The following HS6ST3 variants were observed in gnomAD, a reference collection of about 807,000 sequenced individuals.
HS6ST3 encodes the protein heparan sulfate 6-O-sulfotransferase 3.
HS6ST3 carries 12 observed loss-of-function variants against 36.7 expected under a neutral mutation model. The ratio of observed to expected loss-of-function variants is 0.33; its 90% CI spans 0.21 to 0.53. The LOEUF (loss-of-function observed/expected upper bound fraction) is 0.53. Ranked by LOEUF, HS6ST3 falls within the 20% of genes least tolerant of loss-of-function variation. The probability of loss-of-function intolerance (pLI) is 0.95; values close to 1 mark genes in which losing one functional copy is unlikely to be tolerated. For missense variants in HS6ST3, 584 were observed against 640.9 expected (o/e 0.91, Z 0.96); for synonymous variants, 240 against 257.5 (o/e 0.93, Z 0.65).
intron 1 of HS6ST3, among the ~76,000 whole-genome samples, chr13:96,412,848 T>C (rs1033733780): frequency 6.7e-6 from 1 of 149,764 alleles, no homozygotes; most frequent in South Asian, 2.1e-4. Flanking sequence ...ATATTATATA[T>C]ATATATTTAT....
At position 96,446,205 on chromosome 13, in the gene HS6ST3, A is replaced by T. The variant is rs76107226; in HGVS notation, c.707+354636A>T. Among the ~76,000 whole-genome samples, 44 of 152,264 alleles carry T rather than the reference A, an allele frequency of 2.9e-4. No homozygotes were observed. In the East Asian group the frequency reaches 8.1e-3, roughly 28 times the overall value. ...AAAAAAAAGTTTTTTTAAGTAAAAA[A>T]TATTTCGTTTATGGAATTTATGTTA... On this transcript the variant is annotated intron_variant, in intron 1 of 1. Coordinates refer to ENST00000376705, the MANE Select transcript of HS6ST3 (RefSeq NM_153456.4).
chr13:96,721,481 C>G (rs553202556), intron 1 of HS6ST3, among the ~76,000 whole-genome samples: 1 of 152,194 alleles, frequency 6.6e-6, no homozygotes, highest in East Asian at 1.9e-4. Flanking sequence ...ACATCATTTT[C>G]ATGGAAGAAA....
At chr13:96,596,247 TC>T (rs1421699011) in intron 1 of HS6ST3, among the ~76,000 whole-genome samples, 1 of 152,156 alleles carries the variant, frequency 6.6e-6, no homozygotes, top group African/African-American at 2.4e-5. Flanking sequence ...GGCCTCCAGC[TC>T]CATCCAAGTT....
intron 1 of HS6ST3, among the ~76,000 whole-genome samples, chr13:96,473,733 C>T (rs901081456): frequency 6.6e-6 from 1 of 152,042 alleles, no homozygotes; most frequent in Non-Finnish European, 1.5e-5. Flanking sequence ...AAGGTCGAGT[C>T]GGGAAAAGGG....
At chr13:96,470,558 A>C (rs1357938578) in intron 1 of HS6ST3, among the ~76,000 whole-genome samples, 1 of 151,586 alleles carries the variant, frequency 6.6e-6, no homozygotes, top group Non-Finnish European at 1.5e-5. Context: ...AAACAAAAAA[A>C]CTCCCCATTG....
chr13:96,334,451 C>T (rs562700685), intron 1 of HS6ST3, among the ~76,000 whole-genome samples: 2 of 152,208 alleles, frequency 1.3e-5, no homozygotes, highest in Non-Finnish European at 2.9e-5. Flanking sequence ...GCCAATTAAA[C>T]CTCTTTTCTT....
In HS6ST3 at chr13:96,771,818, G is replaced by A. The variant is rs528075788; in HGVS notation, c.708-60672G>A. On this transcript the variant is annotated intron_variant, in intron 1 of 1. Coordinates refer to ENST00000376705, the MANE Select transcript of HS6ST3 (RefSeq NM_153456.4). The stretch of plus-strand genomic sequence containing the variant: ...CATCAACCTGAAGACAGACTTCTAG[G>A]AGGTACAAAAAAAAGATAAAAGATG... Among the ~76,000 whole-genome samples, 45 of 152,118 alleles carry A rather than the reference G, an allele frequency of 3.0e-4. 2 individuals are homozygous for A. The South Asian group carries it at 8.1e-3, about 27-fold the overall frequency.
chr13:96,651,749 G>C, intron 1 of HS6ST3, among the ~76,000 whole-genome samples: 1 of 151,888 alleles, frequency 6.6e-6, no homozygotes, highest in Non-Finnish European at 1.5e-5. Context: ...ATATTACTTC[G>C]TTTATTATTT....
chr13:96,103,891 G>C (rs526702), intron 1 of HS6ST3, among the ~76,000 whole-genome samples: 126,577 of 151,486 alleles, frequency 0.84, 53,095 homozygotes, highest in East Asian at 0.92. Flanking sequence ...TAAGTCTTTC[G>C]CTTAGACCAT....
At chr13:96,384,377 A>G (rs1172308605) in intron 1 of HS6ST3, among the ~76,000 whole-genome samples, 2 of 152,082 alleles carry the variant, frequency 1.3e-5, no homozygotes, top group Non-Finnish European at 2.9e-5. Flanking sequence ...TCCTTCTGTT[A>G]TATCCAAGAA....
intron 1 of HS6ST3, among the ~76,000 whole-genome samples, chr13:96,702,421 G>A (rs1875313832): frequency 6.6e-6 from 1 of 152,110 alleles, no homozygotes; most frequent in African/African-American, 2.4e-5. Flanking sequence ...TAGTACAGTT[G>A]GCATTTTTTA....
At chr13:96,283,497 T>G (rs896534569) in intron 1 of HS6ST3, among the ~76,000 whole-genome samples, 1 of 152,168 alleles carries the variant, frequency 6.6e-6, no homozygotes, top group African/African-American at 2.4e-5. Flanking sequence ...ACTGGAACAA[T>G]TCTGTTGCAT....
chr13:96,372,197 T>C (rs893295894), intron 1 of HS6ST3, among the ~76,000 whole-genome samples: 5 of 152,244 alleles, frequency 3.3e-5, no homozygotes, highest in African/African-American at 1.2e-4. Context: ...TGAAGTGATA[T>C]CCCATTATGA....
intron 1 of HS6ST3, among the ~76,000 whole-genome samples, chr13:96,343,524 T>C (rs186636623): frequency 6.6e-5 from 10 of 152,282 alleles, no homozygotes; most frequent in Admixed American, 4.6e-4. Context: ...CTGATCTCCC[T>C]ATCCTGAGGT....
chr13:96,449,642 T>A (rs384431), intron 1 of HS6ST3, among the ~76,000 whole-genome samples: 104,040 of 152,082 alleles, frequency 0.68, 37,384 homozygotes, highest in African/African-American at 0.91. Flanking sequence ...TGTATATACG[T>A]GCATATGTAA....
chr13:96,108,175 A>AT, intron 1 of HS6ST3, among the ~76,000 whole-genome samples: 1 of 152,324 alleles, frequency 6.6e-6, no homozygotes. Context: ...AAAAGAATGC[A>AT]TTCCCAGGGG....
At chr13:96,535,365 G>A (rs1422571919) in intron 1 of HS6ST3, among the ~76,000 whole-genome samples, 3 of 151,860 alleles carry the variant, frequency 2.0e-5, no homozygotes, top group Non-Finnish European at 4.4e-5. Flanking sequence ...GACCATCCTG[G>A]CTAACACAGT....
At chr13:96,809,649 C>T (rs1878272389) in intron 1 of HS6ST3, among the ~76,000 whole-genome samples, 1 of 152,198 alleles carries the variant, frequency 6.6e-6, no homozygotes, top group African/African-American at 2.4e-5. Context: ...AGCTCCCAGA[C>T]TCGGCCATGA....
chr13:96,575,081 G>A (rs2056315828), intron 1 of HS6ST3, among the ~76,000 whole-genome samples: 1 of 152,204 alleles, frequency 6.6e-6, no homozygotes, highest in African/African-American at 2.4e-5. Context: ...ACTTCTGGAT[G>A]GAGACCCCCA....
Sources: allele counts gnomAD v4.1 joint callset (sites outside exome capture counted in the v4.1 genomes callset), GRCh38; gene constraint gnomAD v4.1.1; transcripts MANE v1.5; gene names NCBI Gene and HGNC (gene_info 2026-07-23, HGNC 2026-07-21).